FUT8: variants seen among roughly 807,000 people sequenced by gnomAD.
FUT8 encodes the protein alpha-(1,6)-fucosyltransferase.
Under a neutral mutation model 71.3 loss-of-function variants are expected in FUT8, and 29 were observed. That is an observed-to-expected ratio of 0.41 (90% CI 0.30 to 0.55). The LOEUF is 0.55. FUT8 is among the 20% of genes least tolerant of loss of function. The pLI, the probability that FUT8 is intolerant of heterozygous loss-of-function variation, is 0.34. For synonymous variants in FUT8, 254 were observed against 239.3 expected (o/e 1.06, Z -0.57); for missense variants, 544 against 702.1 (o/e 0.77, Z 2.55).
At chr14:65,369,373 C>T in the FUT8 span, among the ~76,000 whole-genome samples, 6 of 152,088 alleles carry the variant, frequency 3.9e-5, no homozygotes, top group East Asian at 7.7e-4. The surrounding 1 kb of genome is among the most constrained non-coding windows in gnomAD (Gnocchi z 4.6). Flanking sequence ...GTGTCTCTGC[C>T]GACTTGTCAG....
In FUT8 at chr14:65,607,648, T is replaced by G. The variant is rs1245819181; in HGVS notation, c.204-8330T>G. 6.6e-6 allele frequency among the ~76,000 whole-genome samples: 1 copy of G among 151,938 alleles called. No individual in the cohort carries two copies. The highest frequency in any genetic ancestry group is 1.5e-5 in the Non-Finnish European group (1 of 67,928). ...TTAGTCTTTAATTTCTTTGTTATCC[T>G]TGTCTACTTCTATATCAATCTTATA... is the stretch of plus-strand genomic sequence containing the variant. On this transcript the variant is annotated intron_variant, in intron 3 of 10. Transcript: ENST00000673929. The surrounding 1 kb of genome is among the most constrained non-coding windows in gnomAD (Gnocchi z 4.1).
At chr14:65,425,976 CA>C (rs144903947) in intron 1 of FUT8, among the ~76,000 whole-genome samples, 28,398 of 139,458 alleles carry the variant, frequency 0.2, 2,881 homozygotes, top group Middle Eastern at 0.33. Flanking sequence ...GACTCTGTCT[CA>C]AAAAAAAAAA....
intron 2 of FUT8, among the ~76,000 whole-genome samples, chr14:65,457,696 C>T (rs1292042068): frequency 2.0e-5 from 3 of 152,116 alleles, no homozygotes; most frequent in Non-Finnish European, 4.4e-5. Flanking sequence ...GCTGCATGCA[C>T]TGGTGGTCAG....
At chr14:65,405,382 G>T in the FUT8 span, among the ~76,000 whole-genome samples, 1 of 152,274 alleles carries the variant, frequency 6.6e-6, no homozygotes, top group African/African-American at 2.4e-5. Flanking sequence ...AGGTAAATCT[G>T]AAGTGTCTTC....
chr14:65,716,942 A>G (rs61987774), intron 7 of FUT8, among the ~76,000 whole-genome samples: 13,089 of 60,086 alleles, frequency 0.22, 803 homozygotes, highest in African/African-American at 0.32. Context: ...GGGCAGAGGC[A>G]CTCCCCACTT....
chr14:65,570,980 A>G (rs1374637506), intron 3 of FUT8, among the ~76,000 whole-genome samples: 1 of 151,980 alleles, frequency 6.6e-6, no homozygotes, highest in East Asian at 1.9e-4. Flanking sequence ...TAACCAATCT[A>G]GTTGTTTCTG....
chr14:65,700,758 A>AC (rs1349392938), intron 7 of FUT8, among the ~76,000 whole-genome samples: 1 of 151,518 alleles, frequency 6.6e-6, no homozygotes, highest in Non-Finnish European at 1.5e-5. Flanking sequence ...ACATTCTTGA[A>AC]CCCCCATCCA....
Position 65,413,715 on chromosome 14 carries a change from C to T in FUT8, c.-326+501C>T, listed in dbSNP as rs2065176857. On this transcript the variant is annotated intron_variant, in intron 1 of 10. Transcript: ENST00000673929. The surrounding 1 kb of genome is among the most constrained non-coding windows in gnomAD (Gnocchi z 4.1). ...CAGGGAGTGGACCCTCACAAAGATC[C>T]GCGAGGGACTGATGCAGGGCAGTTA... Among the ~76,000 whole-genome samples, 1 of 152,152 alleles carries T rather than the reference C, an allele frequency of 6.6e-6. No individual in the cohort carries two copies. Among genetic ancestry groups the T allele is most frequent in the South Asian group, 2.1e-4 (1 of 4,820 alleles).
chr14:65,541,556 G>A (rs1392809013), intron 2 of FUT8, among the ~76,000 whole-genome samples: 4 of 152,202 alleles, frequency 2.6e-5, no homozygotes, highest in Admixed American at 2.6e-4. Context: ...CTCAAGAAGA[G>A]AGTGAGAATT....
At position 65,641,320 on chromosome 14, in the gene FUT8, G is replaced by A. The variant is rs144960258; in HGVS notation, c.597+11714G>A. On this transcript the variant is annotated intron_variant, in intron 6 of 10. Transcript: ENST00000673929. ...TTTTACTCAGCGTAATTATTTTGAC[G>A]TTCATCTATGTTGTATGTATTAATA... Among the ~76,000 whole-genome samples the A allele has an allele frequency of 2.2e-4, 34 of 152,196 alleles. 1 individual carries two copies. The highest frequency in any genetic ancestry group is 3.4e-3 in the Middle Eastern group (1 of 294).
chr14:65,740,491 C>T (rs1056943487), intron 10 of FUT8, among the ~76,000 whole-genome samples: 16 of 151,960 alleles, frequency 1.1e-4, no homozygotes, highest in African/African-American at 2.4e-4. Context: ...AGTCTGTTTT[C>T]GCATTGCTAA....
chr14:65,417,739 G>C (rs948345787), intron 1 of FUT8, among the ~76,000 whole-genome samples: 1 of 152,156 alleles, frequency 6.6e-6, no homozygotes, highest in Non-Finnish European at 1.5e-5. Context: ...TATAAGGGTA[G>C]TGTTAATGTG....
chr14:65,735,282 C>A (rs1294567353), intron 10 of FUT8, among the ~76,000 whole-genome samples: 1 of 151,898 alleles, frequency 6.6e-6, no homozygotes, highest in African/African-American at 2.4e-5. Flanking sequence ...CCAATTTTGA[C>A]CTACAAATCA....
intron 6 of FUT8, among the ~76,000 whole-genome samples, chr14:65,656,367 A>T (rs1039909230): frequency 1.3e-5 from 2 of 152,174 alleles, no homozygotes; most frequent in African/African-American, 4.8e-5. Context: ...AAAGAAATTT[A>T]AAAAAGTAAT....
the FUT8 span, among the ~76,000 whole-genome samples, chr14:65,401,493 T>A: frequency 6.6e-6 from 1 of 152,170 alleles, no homozygotes; most frequent in Non-Finnish European, 1.5e-5. Context: ...CTCTGGAGAA[T>A]GTGTAATAGG....
chr14:65,726,813 C>G (rs1003463270), intron 9 of FUT8, among the ~76,000 whole-genome samples: 1 of 152,324 alleles, frequency 6.6e-6, no homozygotes, highest in African/African-American at 2.4e-5. Flanking sequence ...AGGCAAGTCC[C>G]TTCCACCTAT....
At chr14:65,433,086 A>G (rs11620749) in intron 1 of FUT8, among the ~76,000 whole-genome samples, 53,280 of 152,012 alleles carry the variant, frequency 0.35, 11,602 homozygotes, top group Non-Finnish European at 0.49. Flanking sequence ...TGGCAACCAC[A>G]GAAGAGACTA....
At chr14:65,541,356 A>C (rs1001294624) in intron 2 of FUT8, among the ~76,000 whole-genome samples, 1 of 152,228 alleles carries the variant, frequency 6.6e-6, no homozygotes, top group Admixed American at 6.5e-5. Flanking sequence ...TGCAGGCTGG[A>C]GAACAGGAAA....
chr14:65,542,006 A>G (rs1008375968), intron 2 of FUT8, among the ~76,000 whole-genome samples: 10 of 152,162 alleles, frequency 6.6e-5, no homozygotes, highest in Admixed American at 4.6e-4. Context: ...GACCTTGGGG[A>G]AGTTATTTAA....
Sources: gnomAD v4.1 joint callset for allele counts (sites outside exome capture counted in the v4.1 genomes callset) on GRCh38, gnomAD v4.1.1 for gene constraint, Gnocchi (gnomAD v3.1) non-coding constraint, MANE v1.5 for transcripts, NCBI Gene and HGNC (gene_info 2026-07-23, HGNC 2026-07-21) for gene names.